The following FERMT2 variants were observed in gnomAD, a reference collection of about 807,000 sequenced individuals.
The protein encoded by FERMT2 is FERM domain containing kindlin 2.
In FERMT2, 15 loss-of-function variants were observed where a neutral mutation model predicts 82.7. The ratio of observed to expected loss-of-function variants is 0.18; its 90% CI spans 0.12 to 0.28. FERMT2 has a LOEUF of 0.28. Among genes scored for constraint, FERMT2 ranks in the 10% least tolerant of loss-of-function variants. FERMT2 has a pLI of 1.00. For synonymous variants in FERMT2, 274 were observed against 271.5 expected, an observed-to-expected ratio of 1.01 and a Z score of -0.09; for missense variants, 645 against 809.4, an observed-to-expected ratio of 0.80 and a Z score of 2.46.
intron 3 of FERMT2, among the ~76,000 whole-genome samples, chr14:52,918,297 T>C (rs149829836): frequency 1.6e-4 from 25 of 152,222 alleles, no homozygotes; most frequent in African/African-American, 5.8e-4. Context: ...AAAAATCCGA[T>C]ATGTATGGAC....
intron 3 of FERMT2, among the ~76,000 whole-genome samples, chr14:52,915,970 G>A (rs1361900087): frequency 6.6e-6 from 1 of 152,190 alleles, no homozygotes; most frequent in Admixed American, 6.5e-5. Context: ...TATTCAAAAT[G>A]AAGCAACCAA....
In FERMT2 at chr14:52,942,748, T is replaced by C. The variant is rs536165608; in HGVS notation, c.157+7664A>G. 4.9e-4 allele frequency among the ~76,000 whole-genome samples: 74 copies of C among 152,328 alleles called. 1 individual carries two copies. Among genetic ancestry groups the C allele is most frequent in the African/African-American group, 1.8e-3 (73 of 41,566 alleles). ...TTCTGACACACTAGGCAACCTGTTA[T>C]TTCTTAATAATCTGTGCCTCCATCA... On this transcript the variant is annotated intron_variant, in intron 2 of 14. Transcript: ENST00000341590.
chr14:52,872,875 G>A lies in FERMT2; in HGVS notation c.1197C>T (p.Phe399=). 6.2e-7 allele frequency: 1 copy of A among 1,613,934 alleles called. No homozygotes were observed. Among genetic ancestry groups the A allele is most frequent in the Non-Finnish European group, 8.5e-7 (1 of 1,179,864 alleles). Residue 399 remains phenylalanine, a synonymous_variant, in exon 10 of 15, where the codon TTC becomes TTT. Transcript: ENST00000341590. Reference sequence around the variant, plus strand: ...TATAACAAGAAATGGATGTGTCTTTGAAGGTGCACCAATATTGTTTGTAAC... The same window carrying A: ...TATAACAAGAAATGGATGTGTCTTTAAAGGTGCACCAATATTGTTTGTAAC... ...LKGYKQYWCT[F]KDTSISCYKS...
chr14:52,903,539 TAAGAA>T (rs1887799755), intron 3 of FERMT2, among the ~76,000 whole-genome samples: 1 of 149,248 alleles, frequency 6.7e-6, no homozygotes. Context: ...CCCTGTCTCT[TAAGAA>T]AAGAAAATAA....
intron 10 of FERMT2, among the ~76,000 whole-genome samples, chr14:52,865,870 C>T (rs1885246948): frequency 6.6e-6 from 1 of 152,118 alleles, no homozygotes; most frequent in African/African-American, 2.4e-5. Context: ...TTCTCCTCCC[C>T]AGAAGCAACT....
chr14:52,926,054 C>A (rs138349041), intron 2 of FERMT2, among the ~76,000 whole-genome samples: 5 of 152,166 alleles, frequency 3.3e-5, no homozygotes, highest in Admixed American at 1.3e-4. Flanking sequence ...ACTTGAAAAA[C>A]CCACTATGTG....
chr14:52,904,633 C>CA (rs1227844298), intron 3 of FERMT2, among the ~76,000 whole-genome samples: 2 of 151,294 alleles, frequency 1.3e-5, no homozygotes, highest in Non-Finnish European at 2.9e-5. Flanking sequence ...GTGGAGGTTG[C>CA]ATTGAGCCGA....
intron 2 of FERMT2, among the ~76,000 whole-genome samples, chr14:52,936,826 A>G (rs1226908259): frequency 2.0e-5 from 3 of 152,072 alleles, no homozygotes; most frequent in African/African-American, 4.8e-5. Flanking sequence ...TTCAATTACC[A>G]TAATACTCAC....
At position 52,907,161 on chromosome 14, in the gene FERMT2, T is replaced by TG. The variant is rs141086708; in HGVS notation, c.391+11961dup. 1.0e-3 allele frequency among the ~76,000 whole-genome samples: 154 copies of TG among 152,274 alleles called. 1 individual carries two copies. Among genetic ancestry groups the TG allele is most frequent in the African/African-American group, 3.5e-3 (147 of 41,544 alleles). ...CTGAGCAGCTGGAACTACAGGTGCA[T>TG]GCCACCATGCCCAGCTAATTTTTTG... On this transcript the variant is annotated intron_variant, in intron 3 of 14. Coordinates refer to ENST00000341590, the MANE Select transcript of FERMT2 (RefSeq NM_006832.3).
intron 2 of FERMT2, among the ~76,000 whole-genome samples, chr14:52,947,433 C>T (rs1231859064): frequency 2.0e-5 from 3 of 152,090 alleles, no homozygotes; most frequent in African/African-American, 7.2e-5. Context: ...GAGCCGGGAT[C>T]GCGCTACTGC....
At chr14:52,900,436 G>C (rs1261546271) in intron 3 of FERMT2, among the ~76,000 whole-genome samples, 1 of 152,122 alleles carries the variant, frequency 6.6e-6, no homozygotes, top group South Asian at 2.1e-4. Context: ...TCTCAGGGAA[G>C]ATAAAGCGTT....
chr14:52,933,523 C>A (rs987019077), intron 2 of FERMT2, among the ~76,000 whole-genome samples: 7 of 151,530 alleles, frequency 4.6e-5, no homozygotes, highest in African/African-American at 1.7e-4. Context: ...CCAGCCTGAC[C>A]AACATGGAGA....
chr14:52,905,783 T>C (rs943956628), intron 3 of FERMT2, among the ~76,000 whole-genome samples: 2 of 152,190 alleles, frequency 1.3e-5, no homozygotes, highest in African/African-American at 4.8e-5. Context: ...TGGAAAGGAA[T>C]GCCATGAGTT....
chr14:52,947,859 T>C (rs1890434555), intron 2 of FERMT2, among the ~76,000 whole-genome samples: 1 of 152,212 alleles, frequency 6.6e-6, no homozygotes, highest in Non-Finnish European at 1.5e-5. Context: ...GTTGAGGGAA[T>C]AGGTCATCCT....
intron 4 of FERMT2, among the ~76,000 whole-genome samples, chr14:52,884,336 T>C (rs922664698): frequency 6.6e-6 from 1 of 152,166 alleles, no homozygotes; most frequent in African/African-American, 2.4e-5. Context: ...GCGCGGTGGC[T>C]CAAGCCTGTA....
chr14:52,922,395 C>G (rs1169446541), intron 2 of FERMT2, among the ~76,000 whole-genome samples: 4 of 152,066 alleles, frequency 2.6e-5, no homozygotes, highest in African/African-American at 9.7e-5. Flanking sequence ...TGTTGGGGAT[C>G]TGCCCACCAG....
intron 3 of FERMT2, among the ~76,000 whole-genome samples, chr14:52,907,658 A>G (rs1368582281): frequency 3.3e-5 from 5 of 152,174 alleles, no homozygotes; most frequent in African/African-American, 9.7e-5. Flanking sequence ...GGTAGGCTGA[A>G]TAAGTTAAAG....
intron 2 of FERMT2, among the ~76,000 whole-genome samples, chr14:52,942,074 C>T (rs193095048): frequency 2.6e-5 from 4 of 151,974 alleles, no homozygotes; most frequent in Admixed American, 2.6e-4. Context: ...AGTGCAATTC[C>T]CCACCAGTAA....
At chr14:52,870,043 C>A (rs73302517) in intron 10 of FERMT2, among the ~76,000 whole-genome samples, 3,805 of 152,022 alleles carry the variant, frequency 0.025, 160 homozygotes, top group African/African-American at 0.088. Context: ...GTTTAAGCTA[C>A]GTGTCATTAG....
Sources: allele counts gnomAD v4.1 joint callset (sites outside exome capture counted in the v4.1 genomes callset), GRCh38; gene constraint gnomAD v4.1.1; transcripts MANE v1.5; gene names NCBI Gene and HGNC (gene_info 2026-07-23, HGNC 2026-07-21).